PRSS38: variants seen among roughly 807,000 people sequenced by gnomAD.
The protein encoded by PRSS38 is serine protease 38, also known as marapsin 2.
Under a neutral mutation model 26.8 loss-of-function variants are expected in PRSS38, and 22 were observed. The ratio of observed to expected loss-of-function variants is 0.82; its 90% CI spans 0.59 to 1.17. The LOEUF is 1.17. Ranked by LOEUF, PRSS38 falls within the 50% of genes most tolerant of loss-of-function variation. The pLI, the probability that PRSS38 is intolerant of heterozygous loss-of-function variation, is 0.00. For synonymous variants in PRSS38, 175 were observed against 172.1 expected, an observed-to-expected ratio of 1.02 and a Z score of -0.13; for missense variants, 427 against 422.7, an observed-to-expected ratio of 1.01 and a Z score of -0.09.
At chr1:227,837,126 G>A (rs1665248541) in intron 3 of PRSS38, among the ~76,000 whole-genome samples, 1 of 152,186 alleles carries the variant, frequency 6.6e-6, no homozygotes, top group Non-Finnish European at 1.5e-5. Flanking sequence ...GAGGAGCTGG[G>A]ACTACAGGCG....
chr1:227,836,139 C>T lies in PRSS38; in HGVS notation c.584-9331C>T, dbSNP rs140084764. Reference sequence around the variant, plus strand: ...TTCGAGACAAGGTCTTGCTCTGTTGCCCAGACTGGAGTGCAGTAATATGAA... The same window carrying T: ...TTCGAGACAAGGTCTTGCTCTGTTGTCCAGACTGGAGTGCAGTAATATGAA... On this transcript the variant is annotated intron_variant, in intron 3 of 4. Coordinates refer to ENST00000366757, the Ensembl canonical transcript of PRSS38. Among the ~76,000 whole-genome samples the T allele has an allele frequency of 9.2e-5, 14 of 151,814 alleles. No homozygotes were observed. The East Asian group carries it at 2.5e-3, about 27-fold the overall frequency.
At chr1:227,833,699 C>T (rs987238349) in intron 3 of PRSS38, among the ~76,000 whole-genome samples, 5 of 152,134 alleles carry the variant, frequency 3.3e-5, no homozygotes, top group African/African-American at 4.8e-5. Context: ...GGTGCCAAGT[C>T]CATTCCATGG....
intron 3 of PRSS38, among the ~76,000 whole-genome samples, chr1:227,835,570 A>G (rs761000016): frequency 6.6e-6 from 1 of 152,224 alleles, no homozygotes; most frequent in African/African-American, 2.4e-5. Context: ...AACAGCCCAC[A>G]TGTCCCACAG....
chr1:227,828,532 C>T (rs970750348), intron 3 of PRSS38, among the ~76,000 whole-genome samples: 2 of 152,132 alleles, frequency 1.3e-5, no homozygotes, highest in African/African-American at 4.8e-5. Context: ...CTGCCAGTCG[C>T]GATAGGCTGG....
At chr1:227,826,716 A>G (rs1279140026) in intron 3 of PRSS38, among the ~76,000 whole-genome samples, 1 of 151,832 alleles carries the variant, frequency 6.6e-6, no homozygotes, top group Non-Finnish European at 1.5e-5. Context: ...CCTCCATCTC[A>G]AGAAAAAAAA....
At chr1:227,846,000 T>C (rs753322049) in exon 5 of PRSS38, 1 of 1,614,192 alleles carries the variant, frequency 6.2e-7, no homozygotes, top group Admixed American at 1.7e-5. Context: ...CGCAGCTGGT[T>C]GCAGATTGGA....
At chr1:227,829,950 T>C (rs899320798) in intron 3 of PRSS38, among the ~76,000 whole-genome samples, 1 of 152,236 alleles carries the variant, frequency 6.6e-6, no homozygotes, top group African/African-American at 2.4e-5. Context: ...TTTTTGTAGA[T>C]ATCTTTTAAC....
At chr1:227,831,518 A>C (rs1572086249) in intron 3 of PRSS38, among the ~76,000 whole-genome samples, 4 of 152,314 alleles carry the variant, frequency 2.6e-5, no homozygotes, top group South Asian at 4.1e-4. Flanking sequence ...TATAAGTCAC[A>C]GGTCAAGTTG....
chr1:227,831,707 C>T (rs983317928), intron 3 of PRSS38, among the ~76,000 whole-genome samples: 6 of 152,028 alleles, frequency 3.9e-5, no homozygotes, highest in Non-Finnish European at 8.8e-5. Context: ...AAAAAATTAG[C>T]TGGGTGTGGT....
chr1:227,842,115 T>A (rs1017287116), intron 3 of PRSS38, among the ~76,000 whole-genome samples: 3 of 152,156 alleles, frequency 2.0e-5, no homozygotes, highest in Non-Finnish European at 4.4e-5. Flanking sequence ...AGGACCCAAA[T>A]GCCTCCCATT....
intron 3 of PRSS38, among the ~76,000 whole-genome samples, chr1:227,838,164 A>G (rs1373987710): frequency 2.0e-5 from 3 of 152,166 alleles, no homozygotes; most frequent in African/African-American, 7.2e-5. Context: ...AGGGTCTTTT[A>G]TATTCTGTTT....
At chr1:227,832,656 A>C (rs1317081456) in intron 3 of PRSS38, among the ~76,000 whole-genome samples, 2 of 152,248 alleles carry the variant, frequency 1.3e-5, no homozygotes, top group Non-Finnish European at 2.9e-5. Context: ...AGCTCTAGAC[A>C]GACAAATTAG....
At chr1:227,827,062 C>T (rs1665084041) in intron 3 of PRSS38, among the ~76,000 whole-genome samples, 1 of 152,130 alleles carries the variant, frequency 6.6e-6, no homozygotes, top group Non-Finnish European at 1.5e-5. Flanking sequence ...TTTTGATGTG[C>T]TGCTGGATTC....
chr1:227,845,818 G>T, intron 4 of PRSS38, 136 bp from the exon 5 acceptor site: 1 of 1,323,786 alleles, frequency 7.6e-7, no homozygotes, highest in South Asian at 1.4e-5. Context: ...AGCCAGTAGG[G>T]AGGCTGGGTG....
chr1:227,820,264 ACTT>A (rs1244439349), intron 3 of PRSS38, among the ~76,000 whole-genome samples: 1 of 151,288 alleles, frequency 6.6e-6, no homozygotes, highest in African/African-American at 2.4e-5. Flanking sequence ...AGATTGTTTT[ACTT>A]CTTTGTTTCC....
intron 3 of PRSS38, among the ~76,000 whole-genome samples, chr1:227,826,635 G>T (rs1665078202): frequency 6.6e-6 from 1 of 152,104 alleles, no homozygotes; most frequent in Non-Finnish European, 1.5e-5. Context: ...AGAATCACTT[G>T]AACCCGGGAG....
intron 3 of PRSS38, among the ~76,000 whole-genome samples, chr1:227,841,561 C>T (rs895253835): frequency 2.6e-5 from 4 of 152,172 alleles, no homozygotes; most frequent in African/African-American, 9.7e-5. Context: ...TTCTTTAACC[C>T]CTTATACTTT....
intron 3 of PRSS38, among the ~76,000 whole-genome samples, chr1:227,821,094 T>C (rs1010043317): frequency 4.6e-5 from 7 of 152,150 alleles, no homozygotes; most frequent in Admixed American, 3.9e-4. Context: ...AAATAAAAAG[T>C]GGAATTAAAA....
At chr1:227,838,225 C>T (rs970833628) in intron 3 of PRSS38, among the ~76,000 whole-genome samples, 1 of 152,162 alleles carries the variant, frequency 6.6e-6, no homozygotes, top group Non-Finnish European at 1.5e-5. Context: ...AACATCTATT[C>T]TAGAAGCGTT....
Sources: allele counts gnomAD v4.1 joint callset (sites outside exome capture counted in the v4.1 genomes callset), GRCh38; gene constraint gnomAD v4.1.1; transcripts MANE v1.5; gene names NCBI Gene and HGNC (gene_info 2026-07-23, HGNC 2026-07-21).